KAT6B: variants seen among roughly 807,000 people sequenced by gnomAD.
The protein encoded by KAT6B is lysine acetyltransferase 6B, also known as histone acetyltransferase KAT6B.
In KAT6B, 10 loss-of-function variants were observed where a neutral mutation model predicts 187.5. That is an observed-to-expected ratio of 0.05 (90% CI 0.03 to 0.09). KAT6B has a LOEUF of 0.09. KAT6B is among the 10% of genes least tolerant of loss of function. KAT6B has a pLI of 1.00. For synonymous variants in KAT6B, 861 were observed against 926.8 expected (o/e 0.93, Z 1.29); for missense variants, 1,952 against 2,558.9 (o/e 0.76, Z 5.12).
At chr10:74,888,605 G>A (rs1361622319) in intron 3 of KAT6B, among the ~76,000 whole-genome samples, 1 of 152,128 alleles carries the variant, frequency 6.6e-6, no homozygotes, top group Non-Finnish European at 1.5e-5. Flanking sequence ...GAAAAAATGG[G>A]TGTACTTTCA....
At chr10:74,839,231 ATTT>A (rs55994102) in intron 2 of KAT6B, among the ~76,000 whole-genome samples, 11 of 138,252 alleles carry the variant, frequency 8.0e-5, no homozygotes, top group African/African-American at 1.4e-4. Flanking sequence ...TATGAAACAC[ATTT>A]TTTTTTTTTT....
Position 75,028,861 on chromosome 10 carries a change from A to G in KAT6B, c.4037A>G (p.Asp1346Gly), listed in dbSNP as rs746888116. The G allele has an allele frequency of 1.3e-5, 21 of 1,613,964 alleles. No homozygotes were observed. Among genetic ancestry groups the G allele is most frequent in the Non-Finnish European group, 1.5e-5 (18 of 1,179,994 alleles). The change falls in exon 18 of 18, where the codon GAT becomes GGT. Residue 1346 changes from aspartate (D) to glycine (G), a missense_variant. Physicochemically the swap from Asp to Gly is moderately conservative, Grantham distance 94 (BLOSUM62 -1). Coordinates refer to ENST00000287239, the MANE Select transcript of KAT6B (RefSeq NM_012330.4). ...NTSPGEKPEDDLIKPEEEEEE... is the reference protein window; with the variant it reads ...NTSPGEKPEDGLIKPEEEEEE... Reference sequence around the variant, plus strand: ...TCACCAGGTGAAAAACCAGAAGATGATCTCATCAAACCTGAGGAAGAGGAA... The same window carrying G: ...TCACCAGGTGAAAAACCAGAAGATGGTCTCATCAAACCTGAGGAAGAGGAA...
At chr10:75,005,336 G>C (rs924827008) in intron 13 of KAT6B, among the ~76,000 whole-genome samples, 2 of 151,728 alleles carry the variant, frequency 1.3e-5, no homozygotes, top group African/African-American at 4.8e-5. Context: ...TCCTGCCTCA[G>C]TCTCCTGAGT....
At position 75,022,781 on chromosome 10, in the gene KAT6B, A is replaced by C. The variant is rs948361110; in HGVS notation, c.3372+550A>C. 5.9e-5 allele frequency among the ~76,000 whole-genome samples: 9 copies of C among 152,070 alleles called. No individual in the cohort carries two copies. In the South Asian group the frequency reaches 1.9e-3, roughly 32 times the overall value. On this transcript the variant is annotated intron_variant, in intron 16 of 17. Transcript: ENST00000287239. ...TCCCGTCTCTGCTAAAAATACAAAAAATTAGCCAGACACGGTAGTACGCGC... is the reference window on the plus strand; with the variant it reads ...TCCCGTCTCTGCTAAAAATACAAAACATTAGCCAGACACGGTAGTACGCGC...
In KAT6B at chr10:74,851,359, G is replaced by A. The variant is rs534163616; in HGVS notation, c.621+7881G>A. Among the ~76,000 whole-genome samples, 6 of 145,242 alleles carry A rather than the reference G, an allele frequency of 4.1e-5. No homozygotes were observed. The East Asian group carries it at 1.0e-3, about 24-fold the overall frequency. ...TTTTTTTTTTTTTTTTTTGGAGATG[G>A]AGTCTTGCTATGTTGCCAGGCTGGA... On this transcript the variant is annotated intron_variant, in intron 3 of 17. Coordinates refer to ENST00000287239, the MANE Select transcript of KAT6B (RefSeq NM_012330.4).
chr10:74,987,692 T>C (rs140712010), intron 12 of KAT6B, among the ~76,000 whole-genome samples: 29 of 152,384 alleles, frequency 1.9e-4, no homozygotes, highest in African/African-American at 6.7e-4. Flanking sequence ...GCTTAGAATT[T>C]AGCTGTAGTA....
chr10:74,991,791 T>C (rs563090547), intron 13 of KAT6B, among the ~76,000 whole-genome samples: 1 of 152,244 alleles, frequency 6.6e-6, no homozygotes, highest in Non-Finnish European at 1.5e-5. Context: ...TGGGAACTGG[T>C]GTAAACCCAA....
intron 1 of KAT6B, among the ~76,000 whole-genome samples, chr10:74,830,746 A>ATATATATATATATATATATATATG (rs1564891861): frequency 1.2e-4 from 2 of 16,872 alleles, no homozygotes; most frequent in Non-Finnish European, 9.2e-5. Flanking sequence ...ATATATATAT[A>ATATATATATATATATATATATATG]TATATATATA....
chr10:74,948,825 CA>C (rs1473530136), intron 3 of KAT6B, among the ~76,000 whole-genome samples: 1 of 152,208 alleles, frequency 6.6e-6, no homozygotes, highest in East Asian at 1.9e-4. Flanking sequence ...AGATGAATTA[CA>C]ATACAGAATT....
intron 3 of KAT6B, among the ~76,000 whole-genome samples, chr10:74,912,348 AT>A (rs1283150803): frequency 6.6e-6 from 1 of 150,756 alleles, no homozygotes; most frequent in Non-Finnish European, 1.5e-5. Context: ...AGGTTGAAGG[AT>A]GGATGGATAG....
chr10:74,842,343 A>G (rs147042768), intron 2 of KAT6B, among the ~76,000 whole-genome samples: 10 of 152,340 alleles, frequency 6.6e-5, no homozygotes, highest in African/African-American at 2.2e-4. Context: ...ATATAATTAA[A>G]TGTATAATTT....
At chr10:74,952,175 G>A (rs983924994) in intron 3 of KAT6B, among the ~76,000 whole-genome samples, 2 of 152,032 alleles carry the variant, frequency 1.3e-5, no homozygotes, top group African/African-American at 2.4e-5. Flanking sequence ...GAAATGTTGC[G>A]AGACCCCCAT....
At chr10:74,853,696 C>T (rs1460222105) in intron 3 of KAT6B, among the ~76,000 whole-genome samples, 1 of 145,990 alleles carries the variant, frequency 6.8e-6, no homozygotes, top group Admixed American at 7.1e-5. Flanking sequence ...GGCATGGTCT[C>T]GGCTCACTGC....
At chr10:74,919,373 T>C (rs1226575493) in intron 3 of KAT6B, among the ~76,000 whole-genome samples, 5 of 152,160 alleles carry the variant, frequency 3.3e-5, no homozygotes, top group African/African-American at 1.2e-4. Flanking sequence ...CATTATTTCT[T>C]CACATACTGT....
At chr10:74,951,435 CT>C (rs5786160) in intron 3 of KAT6B, among the ~76,000 whole-genome samples, 36,944 of 147,478 alleles carry the variant, frequency 0.25, 8,121 homozygotes, top group African/African-American at 0.59. Context: ...CCCAGCGACC[CT>C]TTTTTTTTTT....
chr10:74,954,246 A>C (rs1184199621), intron 3 of KAT6B, among the ~76,000 whole-genome samples: 1 of 152,194 alleles, frequency 6.6e-6, no homozygotes, highest in Non-Finnish European at 1.5e-5. Context: ...GTATGATTTC[A>C]CTTATATGCG....
chr10:74,913,843 A>G (rs150922344), intron 3 of KAT6B, among the ~76,000 whole-genome samples: 158 of 152,164 alleles, frequency 1.0e-3, no homozygotes, highest in African/African-American at 3.2e-3. Flanking sequence ...ATGCTTACCT[A>G]TTTCTCTGTG....
chr10:74,875,822 C>T (rs949580190), intron 3 of KAT6B, among the ~76,000 whole-genome samples: 1 of 152,158 alleles, frequency 6.6e-6, no homozygotes, highest in African/African-American at 2.4e-5. Flanking sequence ...TATCATCCTT[C>T]TTTCCTTTCA....
chr10:75,024,939 T>C lies in KAT6B; in HGVS notation c.3373-19T>C, dbSNP rs1465720935. On this transcript the variant is annotated intron_variant, in intron 16 of 17. Coordinates refer to ENST00000287239, the MANE Select transcript of KAT6B (RefSeq NM_012330.4). ...ATTTCTCATGAGCTCTTATGTGTTA[T>C]GTTTGGAATTAATTTCAGAGGCCTT... The C allele has an allele frequency of 4.3e-6, 7 of 1,612,378 alleles. No homozygotes were observed. The highest frequency in any genetic ancestry group is 1.1e-5 in the South Asian group (1 of 90,894).
Sources: allele counts gnomAD v4.1 joint callset (sites outside exome capture counted in the v4.1 genomes callset), GRCh38; gene constraint gnomAD v4.1.1; transcripts MANE v1.5; gene names NCBI Gene and HGNC (gene_info 2026-07-23, HGNC 2026-07-21).